RNF170: variants seen among roughly 807,000 people sequenced by gnomAD.
RNF170 encodes the protein ring finger protein 170, also known as E3 ubiquitin-protein ligase RNF170.
RNF170 carries 12 observed loss-of-function variants against 32.7 expected under a neutral mutation model. The ratio of observed to expected loss-of-function variants is 0.37; its 90% CI spans 0.24 to 0.60. The LOEUF is 0.60. Among genes scored for constraint, RNF170 ranks in the 20% least tolerant of loss-of-function variants. RNF170 has a pLI of 0.72. For missense variants in RNF170, 212 were observed against 311.2 expected, an observed-to-expected ratio of 0.68 and a Z score of 2.40; for synonymous variants, 91 against 103.6, an observed-to-expected ratio of 0.88 and a Z score of 0.74.
chr8:42,855,749 T>C lies in RNF170; in HGVS notation c.*410A>G. ...ATTGGAACAAAAATATTTAGATGAG[T>C]TTCACAGCTATATATTATCATATAG... On this transcript the variant is annotated 3_prime_UTR_variant, in exon 7 of 7. Transcript: ENST00000527424. 8.0e-7 allele frequency: 1 copy of C among 1,251,300 alleles called. No homozygotes were observed. The highest frequency in any genetic ancestry group is 1.0e-6 in the Non-Finnish European group (1 of 963,712). The allele number at this position is 1,251,300 out of a possible 1,614,324, so 77.5% of individuals were successfully genotyped here.
At chr8:42,895,754 ACT>A (rs1232345589) in intron 1 of RNF170, among the ~76,000 whole-genome samples, 1 of 152,166 alleles carries the variant, frequency 6.6e-6, no homozygotes, top group African/African-American at 2.4e-5. Context: ...AAAACAACAC[ACT>A]GTGATCCACC....
upstream of RNF170, chr8:42,897,206 G>T (rs1348668363): frequency 1.6e-6 from 2 of 1,240,208 alleles, no homozygotes; most frequent in Admixed American, 8.4e-5. Flanking sequence ...GGGGCCGCGG[G>T]CCGGCGGGAA....
rs539823306 is a variant in RNF170, at chr8:42,882,080, A to C, written c.137+5648T>G. ...ATTATGGATAGTTATTATTAAAAAA[A>C]ACACACACACATAGGGAACAACAGT... On this transcript the variant is annotated intron_variant, in intron 2 of 6. Coordinates refer to ENST00000527424, the MANE Select transcript of RNF170 (RefSeq NM_030954.4). Among the ~76,000 whole-genome samples the C allele has an allele frequency of 5.8e-4, 88 of 152,338 alleles. 1 individual carries two copies. The highest frequency in any genetic ancestry group is 9.8e-4 in the Admixed American group (15 of 15,298).
At chr8:42,864,609 T>C (rs1803944019) in intron 5 of RNF170, among the ~76,000 whole-genome samples, 1 of 152,136 alleles carries the variant, frequency 6.6e-6, no homozygotes, top group Non-Finnish European at 1.5e-5. Context: ...ACGTTCATGC[T>C]TACTTACTGC....
intron 4 of RNF170, among the ~76,000 whole-genome samples, chr8:42,866,421 G>C (rs1489345058): frequency 6.6e-6 from 1 of 151,606 alleles, no homozygotes; most frequent in Non-Finnish European, 1.5e-5. Flanking sequence ...GGTGCTACTT[G>C]GGAGGCTACT....
At chr8:42,861,915 TTG>T in intron 5 of RNF170, 60 bp from the exon 6 acceptor site, 4 of 1,503,182 alleles carry the variant, frequency 2.7e-6, no homozygotes, top group South Asian at 1.2e-5. Flanking sequence ...TTTTTTCATT[TTG>T]TGTTATTATT....
chr8:42,852,742 T>C (rs566627361), downstream of RNF170, among the ~76,000 whole-genome samples: 5 of 152,332 alleles, frequency 3.3e-5, no homozygotes, highest in South Asian at 8.3e-4. Flanking sequence ...AAACAAAATT[T>C]GTTGCATTGA....
At chr8:42,886,890 A>G (rs1805870505) in intron 2 of RNF170, among the ~76,000 whole-genome samples, 1 of 151,500 alleles carries the variant, frequency 6.6e-6, no homozygotes, top group Non-Finnish European at 1.5e-5. Flanking sequence ...ATAGTGGCTC[A>G]TGAGTGTAAT....
In RNF170 at chr8:42,853,340, C is replaced by T; in HGVS notation, c.*2819G>A. 1.6e-6 allele frequency: 2 copies of T among 1,229,374 alleles called. No homozygotes were observed. Among genetic ancestry groups the T allele is most frequent in the South Asian group, 1.4e-5 (1 of 72,496 alleles). 76.2% of individuals were successfully genotyped at this position (1,229,374 alleles called of 1,614,324 possible). A position where few individuals can be genotyped will look rare whatever the true frequency, so the allele number is the denominator to read the frequency against. On this transcript the variant is annotated 3_prime_UTR_variant, in exon 7 of 7. Transcript: ENST00000527424. ...TGCTTTTATTCAAAAGAATAAAATG[C>T]TTGACAAACTCTTTAATCACAAGGT...
chr8:42,891,184 C>A (rs1487747100), intron 1 of RNF170, among the ~76,000 whole-genome samples: 1 of 152,184 alleles, frequency 6.6e-6, no homozygotes, highest in Non-Finnish European at 1.5e-5. Context: ...AATTCTGTTA[C>A]AACAACTGTG....
At chr8:42,885,547 C>T (rs1805747170) in intron 2 of RNF170, among the ~76,000 whole-genome samples, 1 of 152,216 alleles carries the variant, frequency 6.6e-6, no homozygotes, top group African/African-American at 2.4e-5. Context: ...GTTCCCTTTG[C>T]TCCACACCCT....
rs1326539671 is a variant in RNF170, at chr8:42,858,025, ACT to A, written c.508-1599_508-1598del. The stretch of plus-strand genomic sequence containing the variant: ...ATTCTGGCCTGGGCGACAGAGCGAG[ACT>A]CTGTCTCAAAAAGAAAAGAAATGAA... On this transcript the variant is annotated intron_variant, in intron 6 of 6. Coordinates refer to ENST00000527424, the MANE Select transcript of RNF170 (RefSeq NM_030954.4). 6.6e-5 allele frequency among the ~76,000 whole-genome samples: 10 copies of A among 152,250 alleles called. No homozygotes were observed. In the East Asian group the frequency reaches 1.7e-3, roughly 26 times the overall value.
At chr8:42,857,085 C>T (rs1275818365) in intron 6 of RNF170, among the ~76,000 whole-genome samples, 1 of 152,154 alleles carries the variant, frequency 6.6e-6, no homozygotes, top group Non-Finnish European at 1.5e-5. Flanking sequence ...AAACTGATTC[C>T]TTCTGGTGAA....
chr8:42,895,061 C>A (rs1307846434), intron 1 of RNF170, among the ~76,000 whole-genome samples: 2 of 151,834 alleles, frequency 1.3e-5, no homozygotes, highest in Non-Finnish European at 2.9e-5. Context: ...CACTTTTGAT[C>A]CCAGCACTTT....
chr8:42,859,533 G>A (rs993235421), intron 6 of RNF170, among the ~76,000 whole-genome samples: 3 of 152,114 alleles, frequency 2.0e-5, no homozygotes, highest in Admixed American at 6.5e-5. Context: ...AGGCTGAGGC[G>A]GCAGGATGGC....
intron 4 of RNF170, among the ~76,000 whole-genome samples, chr8:42,868,714 T>C (rs1439754828): frequency 6.6e-6 from 1 of 151,974 alleles, no homozygotes; most frequent in Non-Finnish European, 1.5e-5. Flanking sequence ...TAGCTGGGCA[T>C]GGTGGCAGGC....
At chr8:42,885,327 A>G (rs1407234870) in intron 2 of RNF170, among the ~76,000 whole-genome samples, 1 of 152,216 alleles carries the variant, frequency 6.6e-6, no homozygotes, top group African/African-American at 2.4e-5. Context: ...ACTTGATTCC[A>G]TATTTCAGCT....
rs1300055690 is a variant in RNF170 at position 42,887,749 on chromosome 8, GTAGC to G, written c.112_115del (p.Ala38ProfsTer21). On this transcript the variant is annotated frameshift_variant, in exon 2 of 7. Coordinates refer to ENST00000527424, the MANE Select transcript of RNF170 (RefSeq NM_030954.4). LOFTEE classifies it high-confidence loss of function. ...TCACCTGAAAAGTGCATATACCAGG[GTAGC>G]AATCAAAGCGAAACTGACCACAACT... The G allele has an allele frequency of 1.9e-6, 3 of 1,614,002 alleles. No homozygotes were observed. The highest frequency in any genetic ancestry group is 2.5e-6 in the Non-Finnish European group (3 of 1,179,938).
At chr8:42,877,286 T>C (rs1805026590) in intron 2 of RNF170, among the ~76,000 whole-genome samples, 1 of 152,184 alleles carries the variant, frequency 6.6e-6, no homozygotes, top group Non-Finnish European at 1.5e-5. Flanking sequence ...TGGCACAATC[T>C]TGGCTCCCTG....
Sources: gnomAD v4.1 joint callset for allele counts (sites outside exome capture counted in the v4.1 genomes callset) on GRCh38, gnomAD v4.1.1 for gene constraint, MANE v1.5 for transcripts, NCBI Gene and HGNC (gene_info 2026-07-23, HGNC 2026-07-21) for gene names.